TMEM267: variants seen among roughly 807,000 people sequenced by gnomAD.
The protein encoded by TMEM267 is transmembrane protein C5orf28.
Under a neutral mutation model 19.3 loss-of-function variants are expected in TMEM267, and 20 were observed. The observed-to-expected ratio is 1.04, with a 90% CI of 0.73 to 1.51. The LOEUF is 1.51. TMEM267 is among the 40% of genes most tolerant of loss of function. TMEM267 has a pLI of 0.00. For missense variants in TMEM267, 242 were observed against 261.9 expected, an observed-to-expected ratio of 0.92 and a Z score of 0.52; for synonymous variants, 88 against 90.3, an observed-to-expected ratio of 0.97 and a Z score of 0.15.
At chr5:43,461,832 C>A (rs111772865) in intron 1 of TMEM267, among the ~76,000 whole-genome samples, 5,278 of 152,230 alleles carry the variant, frequency 0.035, 264 homozygotes, top group African/African-American at 0.12. Context: ...CCAGATGGTA[C>A]CTCTAGACCC....
rs547973854 is a variant in TMEM267, at chr5:43,455,842, C to T, written c.-74-1799G>A. 2.6e-5 allele frequency among the ~76,000 whole-genome samples: 4 copies of T among 152,302 alleles called. No individual in the cohort carries two copies. The East Asian group carries it at 5.8e-4, about 22-fold the overall frequency. ...AGCTGGGATAATAGGCGTGAGCCAT[C>T]GTGCCCAGCCAATTTTTTTTTATTT... On this transcript the variant is annotated intron_variant, in intron 1 of 2. Transcript: ENST00000397080.
At chr5:43,481,172 A>AT (rs901763251) in intron 1 of TMEM267, among the ~76,000 whole-genome samples, 31 of 144,622 alleles carry the variant, frequency 2.1e-4, no homozygotes, top group Admixed American at 5.8e-4. Flanking sequence ...TGGCACGATC[A>AT]TAGCTCACTG....
At chr5:43,452,671 A>C (rs6897816) in intron 2 of TMEM267, among the ~76,000 whole-genome samples, 11,578 of 152,178 alleles carry the variant, frequency 0.076, 763 homozygotes, top group African/African-American at 0.18. Context: ...TCTCATTTCA[A>C]TCTTAAACAA....
intron 1 of TMEM267, among the ~76,000 whole-genome samples, chr5:43,477,522 A>G (rs1267784456): frequency 6.9e-6 from 1 of 144,260 alleles, no homozygotes; most frequent in Non-Finnish European, 1.5e-5. Flanking sequence ...TGAACCCAGG[A>G]GGCGGAGGTT....
intron 1 of TMEM267, among the ~76,000 whole-genome samples, chr5:43,477,679 C>A (rs1228049235): frequency 6.6e-6 from 1 of 152,118 alleles, no homozygotes; most frequent in Admixed American, 6.5e-5. Context: ...TGACCAAACT[C>A]CTGTCACCAG....
chr5:43,483,325 A>C (rs1049557733), intron 1 of TMEM267, among the ~76,000 whole-genome samples: 13 of 152,202 alleles, frequency 8.5e-5, no homozygotes, highest in Non-Finnish European at 1.5e-4. Flanking sequence ...GTCTGGTGTG[A>C]TGCAATAATT....
At chr5:43,464,594 G>T (rs1344265650) in intron 1 of TMEM267, among the ~76,000 whole-genome samples, 1 of 152,254 alleles carries the variant, frequency 6.6e-6, no homozygotes, top group Non-Finnish European at 1.5e-5. Flanking sequence ...CATGGTACTG[G>T]TACCAAAACA....
At chr5:43,477,772 C>A (rs1371776050) in intron 1 of TMEM267, among the ~76,000 whole-genome samples, 1 of 152,170 alleles carries the variant, frequency 6.6e-6, no homozygotes, top group Non-Finnish European at 1.5e-5. Context: ...TTCTTGCTCT[C>A]AATACAAAAT....
chr5:43,447,676 G>A (rs1259780301), intron 2 of TMEM267, among the ~76,000 whole-genome samples: 1 of 152,132 alleles, frequency 6.6e-6, no homozygotes, highest in Non-Finnish European at 1.5e-5. Flanking sequence ...GCCAGAGAAT[G>A]CCCATATTTG....
At chr5:43,450,253 C>A (rs1466106957) in intron 2 of TMEM267, among the ~76,000 whole-genome samples, 3 of 152,068 alleles carry the variant, frequency 2.0e-5, no homozygotes, top group African/African-American at 7.2e-5. Context: ...CTCAGCCTCA[C>A]AGTGTTGGGG....
Position 43,453,879 on chromosome 5 carries a change from G to C in TMEM267, c.91C>G (p.Leu31Val). 6.2e-7 allele frequency: 1 copy of C among 1,613,992 alleles called. No homozygotes were observed. Among genetic ancestry groups the C allele is most frequent in the South Asian group, 1.1e-5 (1 of 91,070 alleles). The change falls in exon 2 of 3, where the codon CTC (leucine) becomes GTC (valine). Residue 31 changes from leucine (L) to valine (V), a missense_variant. Physicochemically the swap from Leu to Val is conservative, Grantham distance 32. Coordinates refer to ENST00000397080, the MANE Select transcript of TMEM267 (RefSeq NM_022483.5). ...AACTGAAGAAGTCTGTCAGCTACGA[G>C]GCAAAATGCCCCCAGACCAAGGCTG... ...ISSLGLGAFC[L>V]VADRLLQFST...
chr5:43,468,768 C>G (rs1408767017), intron 1 of TMEM267, among the ~76,000 whole-genome samples: 1 of 152,196 alleles, frequency 6.6e-6, no homozygotes, highest in African/African-American at 2.4e-5. Flanking sequence ...CATCTAAGAG[C>G]TGCAGAATAT....
intron 1 of TMEM267, among the ~76,000 whole-genome samples, chr5:43,467,416 C>A (rs1467039580): frequency 1.3e-5 from 2 of 151,574 alleles, no homozygotes; most frequent in Non-Finnish European, 2.9e-5. Context: ...TTAATGGAAG[C>A]CAAAAAAGAG....
intron 2 of TMEM267, 30 bp from the exon 3 acceptor site, chr5:43,446,587 T>C (rs1742253928): frequency 6.9e-7 from 1 of 1,452,652 alleles, no homozygotes; most frequent in Admixed American, 2.2e-5. Context: ...GCGAGTATCA[T>C]TTCCTTTCTA....
chr5:43,477,860 G>C (rs940820111), intron 1 of TMEM267, among the ~76,000 whole-genome samples: 1 of 152,242 alleles, frequency 6.6e-6, no homozygotes, highest in African/African-American at 2.4e-5. Flanking sequence ...GGCTGGAGAA[G>C]ACAGAAGAGT....
intron 1 of TMEM267, among the ~76,000 whole-genome samples, chr5:43,455,964 TA>T (rs1410725402): frequency 6.6e-6 from 1 of 151,820 alleles, no homozygotes; most frequent in Non-Finnish European, 1.5e-5. Flanking sequence ...GTCTCTTGAG[TA>T]GCTGGAGCCA....
At chr5:43,465,170 A>C (rs1239753203) in intron 1 of TMEM267, among the ~76,000 whole-genome samples, 3 of 152,268 alleles carry the variant, frequency 2.0e-5, no homozygotes, top group Non-Finnish European at 4.4e-5. Flanking sequence ...CCTTCTCAAA[A>C]GAAGACATTT....
At chr5:43,480,737 C>G (rs1579838577) in intron 1 of TMEM267, among the ~76,000 whole-genome samples, 1 of 144,500 alleles carries the variant, frequency 6.9e-6, no homozygotes, top group Non-Finnish European at 1.5e-5. Context: ...ATTATATTTT[C>G]TTTCACTCAT....
intron 2 of TMEM267, among the ~76,000 whole-genome samples, chr5:43,448,897 T>C (rs763523168): frequency 2.0e-5 from 3 of 148,816 alleles, no homozygotes; most frequent in Non-Finnish European, 4.4e-5. Context: ...ATCACACGAC[T>C]CCAAAGTACG....
Sources: gnomAD v4.1 joint callset for allele counts (sites outside exome capture counted in the v4.1 genomes callset) on GRCh38, gnomAD v4.1.1 for gene constraint, MANE v1.5 for transcripts, NCBI Gene and HGNC (gene_info 2026-07-23, HGNC 2026-07-21) for gene names.